The following COL4A3 variants were observed in gnomAD, a reference collection of about 807,000 sequenced individuals.
COL4A3 encodes the protein collagen alpha-3(IV) chain.
In COL4A3, 135 loss-of-function variants were observed where a neutral mutation model predicts 217.4. That is an observed-to-expected ratio of 0.62 (90% confidence interval 0.54 to 0.72). The LOEUF (loss-of-function observed/expected upper bound fraction) is 0.72. Ranked by LOEUF, COL4A3 falls within the 30% of genes least tolerant of loss-of-function variation. COL4A3 has a pLI of 0.00. For synonymous variants in COL4A3, 690 were observed against 736.3 expected, an observed-to-expected ratio of 0.94 and a Z score of 1.02; for missense variants, 1,868 against 2,119.9, an observed-to-expected ratio of 0.88 and a Z score of 2.33.
intron 3 of COL4A3, 67 bp from the exon 4 acceptor site, chr2:227,244,253 T>C: frequency 7.5e-7 from 1 of 1,324,690 alleles, no homozygotes; most frequent in South Asian, 1.2e-5. Flanking sequence ...CTGGGTTTGA[T>C]GTATGGGTTT....
intron 1 of COL4A3, among the ~76,000 whole-genome samples, chr2:227,218,068 CTATATATATAGCTATA>C (rs894028632): frequency 7.4e-5 from 5 of 67,692 alleles, no homozygotes; most frequent in Admixed American, 2.4e-4. Flanking sequence ...TATAAAATAA[CTATATATATAGCTATA>C]TATATATATA....
chr2:227,244,460 T>A, intron 4 of COL4A3, 96 bp downstream of exon 4: 3 of 1,185,332 alleles, frequency 2.5e-6, no homozygotes, highest in East Asian at 2.3e-5. Flanking sequence ...TGTGTATGGT[T>A]CCATAGATGA....
chr2:227,254,143 C>T lies in COL4A3; in HGVS notation c.797C>T (p.Ala266Val). Reference sequence around the variant, plus strand: ...AAGGGGGAAAAGGGAGACAAGGGAGCAATGGGCGAGCCTGGACCTCCTGGA... The same window carrying T: ...AAGGGGGAAAAGGGAGACAAGGGAGTAATGGGCGAGCCTGGACCTCCTGGA... ...DLKGEKGDKG[A>V]MGEPGPPGPS... is the part of the protein sequence containing the mutation. The change falls in exon 14 of 52, where the codon GCA (alanine) becomes GTA (valine). Residue 266 changes from alanine to valine, a missense_variant. Ala to Val is a moderately conservative substitution (Grantham distance 64). Coordinates refer to ENST00000396578, the MANE Select transcript of COL4A3 (RefSeq NM_000091.5). 2 of 1,613,862 alleles carry T rather than the reference C, an allele frequency of 1.2e-6. No homozygotes were observed. Among genetic ancestry groups the T allele is most frequent in the Non-Finnish European group, 1.7e-6 (2 of 1,179,880 alleles).
chr2:227,252,769 CA>C (rs751339984), intron 11 of COL4A3, among the ~76,000 whole-genome samples: 1 of 152,072 alleles, frequency 6.6e-6, no homozygotes, highest in Non-Finnish European at 1.5e-5. Context: ...GGTGAAAAAG[CA>C]AGCAGATATG....
At position 227,251,433 on chromosome 2, in the gene COL4A3, TG is replaced by T. The variant is rs2069735732; in HGVS notation, c.645+64del. The T allele has an allele frequency of 5.9e-6, 9 of 1,519,262 alleles. No homozygotes were observed. In the Admixed American group the frequency reaches 1.4e-4, roughly 23 times the overall value. 94.1% of individuals were successfully genotyped at this position (1,519,262 alleles called of 1,614,324 possible). A position where few individuals can be genotyped will look rare whatever the true frequency, so the allele number is the denominator to read the frequency against. On this transcript the variant is annotated intron_variant, in intron 11 of 51. Coordinates refer to ENST00000396578, the MANE Select transcript of COL4A3 (RefSeq NM_000091.5). ...CCCTACTCAATCTCAAAGCCAAACC[TG>T]GTCTGCTTCTTCATGTGGGTCACTG...
chr2:227,271,461 ATTTTTTTTTTTTTTTT>A (rs397988092), intron 25 of COL4A3, among the ~76,000 whole-genome samples: 5 of 104,694 alleles, frequency 4.8e-5, no homozygotes, highest in East Asian at 5.3e-4. Flanking sequence ...ACCTACCAAG[ATTTTTTTTTTTTTTTT>A]TTTTTTTTTT....
intron 1 of COL4A3, among the ~76,000 whole-genome samples, chr2:227,209,281 T>C (rs2067223921): frequency 6.6e-6 from 1 of 152,170 alleles, no homozygotes; most frequent in Non-Finnish European, 1.5e-5. Context: ...ATGCATCTGC[T>C]TTTCCAGTGG....
chr2:227,289,579 C>G (rs2072553410), intron 35 of COL4A3, among the ~76,000 whole-genome samples: 1 of 152,076 alleles, frequency 6.6e-6, no homozygotes, highest in African/African-American at 2.4e-5. Context: ...TTGCATCTTT[C>G]TTTTTTAAAA....
chr2:227,215,554 G>A (rs770410139), intron 1 of COL4A3, among the ~76,000 whole-genome samples: 32 of 152,098 alleles, frequency 2.1e-4, no homozygotes, highest in Non-Finnish European at 3.5e-4. Flanking sequence ...TGCCTCCTGG[G>A]TTCAAGCAAT....
intron 34 of COL4A3, among the ~76,000 whole-genome samples, chr2:227,287,960 A>G (rs1244273151): frequency 6.6e-6 from 1 of 152,250 alleles, no homozygotes; most frequent in Non-Finnish European, 1.5e-5. Flanking sequence ...GAATAAGTAC[A>G]TATGCAGGAA....
At chr2:227,247,642 C>A in intron 8 of COL4A3, 58 bp downstream of exon 8, 1 of 1,520,680 alleles carries the variant, frequency 6.6e-7, no homozygotes, top group Non-Finnish European at 9.1e-7. Context: ...ATGAAAAGGA[C>A]GTCTATTAAA....
rs112475146 is a variant in COL4A3, at chr2:227,250,238, G to A, written c.547-902G>A. Among the ~76,000 whole-genome samples, 17,597 of 152,024 alleles carry A rather than the reference G, an allele frequency of 0.12. 1,097 individuals are homozygous for A. Among genetic ancestry groups the A allele is most frequent in the Admixed American group, 0.18 (2,809 of 15,256 alleles). On this transcript the variant is annotated intron_variant, in intron 9 of 51. Coordinates refer to ENST00000396578, the MANE Select transcript of COL4A3 (RefSeq NM_000091.5). This position sits in a 1 kb window ranked among gnomAD's most constrained non-coding sequence, Gnocchi z 4.1. The stretch of plus-strand genomic sequence containing the variant: ...TGAGGCAGGAGAATCACTTGAACCC[G>A]GGAGGCAGAGGCTGCAGTGAGCAGA...
chr2:227,283,555 T>C (rs2072117696), intron 32 of COL4A3, among the ~76,000 whole-genome samples: 1 of 152,248 alleles, frequency 6.6e-6, no homozygotes, highest in African/African-American at 2.4e-5. Flanking sequence ...TCCATGAATA[T>C]GATTTGCTAC....
At position 227,193,735 on chromosome 2, in the gene COL4A3, G is replaced by A. The variant is rs1453808037; in HGVS notation, c.87+28922G>A. Among the ~76,000 whole-genome samples the A allele has an allele frequency of 2.7e-3, 137 of 50,122 alleles. 2 individuals are homozygous for A. The highest frequency in any genetic ancestry group is 0.011 in the African/African-American group (132 of 11,908). 32.9% of individuals were successfully genotyped at this position (50,122 alleles called of 152,430 possible). On this transcript the variant is annotated intron_variant, in intron 1 of 51. Transcript: ENST00000396578. ...GAAAAAAGAAAGAAAGAAGGAAGGA[G>A]GGAGGGAGGGAGGGAAGGAAGGAAG...
At chr2:227,233,579 C>T (rs919362041) in intron 1 of COL4A3, among the ~76,000 whole-genome samples, 1 of 152,172 alleles carries the variant, frequency 6.6e-6, no homozygotes, top group Non-Finnish European at 1.5e-5. Flanking sequence ...ACTCAGCTAT[C>T]ATATAGAAAT....
rs757987072 is a variant in COL4A3 at position 227,289,961 on chromosome 2, G to A, written c.2981-38G>A. 1.6e-5 allele frequency: 25 copies of A among 1,581,680 alleles called. No homozygotes were observed. In the South Asian group the frequency reaches 2.7e-4, roughly 17 times the overall value. ...TTTATTAAACACATACTATGTCCAG[G>A]AACTGTGCAGGGCAATAACTACTTA... On this transcript the variant is annotated intron_variant, in intron 35 of 51. Transcript: ENST00000396578.
chr2:227,272,211 T>G (rs2071283708), intron 25 of COL4A3, among the ~76,000 whole-genome samples: 1 of 152,220 alleles, frequency 6.6e-6, no homozygotes, highest in Non-Finnish European at 1.5e-5. Flanking sequence ...ATTTGTATGA[T>G]GTCCCTACTT....
intron 41 of COL4A3, among the ~76,000 whole-genome samples, chr2:227,297,405 A>T (rs2073075938): frequency 6.6e-6 from 1 of 152,220 alleles, no homozygotes; most frequent in Non-Finnish European, 1.5e-5. Flanking sequence ...ATTTTTTAAA[A>T]TAAGAAAATC....
rs2125916202 is a variant in COL4A3, at chr2:227,248,441, A to G, written c.469-2A>G. On this transcript the variant is annotated splice_acceptor_variant, in intron 8 of 51. Transcript: ENST00000396578. LOFTEE classifies it high-confidence loss of function. ...TGTTTGATGAACTTCTTCATTTTCA[A>G]GGGTGCTCCTGCTAAAGAAGAAGAT... The G allele has an allele frequency of 6.9e-6, 11 of 1,602,378 alleles. No homozygotes were observed. Among genetic ancestry groups the G allele is most frequent in the Non-Finnish European group, 9.4e-6 (11 of 1,169,420 alleles).
Sources: allele counts gnomAD v4.1 joint callset (sites outside exome capture counted in the v4.1 genomes callset), GRCh38; gene constraint gnomAD v4.1.1; non-coding constraint Gnocchi (gnomAD v3.1); transcripts MANE v1.5; gene names NCBI Gene and HGNC (gene_info 2026-07-23, HGNC 2026-07-21).